PTPRT: variants seen among roughly 807,000 people sequenced by gnomAD.
PTPRT encodes protein tyrosine phosphatase receptor type T.
In PTPRT, 56 loss-of-function variants were observed where a neutral mutation model predicts 176.8. The ratio of observed to expected loss-of-function variants is 0.32; its 90% CI spans 0.26 to 0.40. The LOEUF is 0.40. PTPRT is among the 10% of genes least tolerant of loss of function. The pLI is 1.00. For synonymous variants in PTPRT, 783 were observed against 739.0 expected, an observed-to-expected ratio of 1.06 and a Z score of -0.96; for missense variants, 1,540 against 1,908.2, an observed-to-expected ratio of 0.81 and a Z score of 3.60.
At chr20:42,318,668 G>A (rs771834591) in intron 11 of PTPRT, among the ~76,000 whole-genome samples, 2 of 152,158 alleles carry the variant, frequency 1.3e-5, no homozygotes, top group Non-Finnish European at 2.9e-5. Context: ...CCAGGAGTTG[G>A]AAAGAGCTGG....
chr20:42,587,014 C>G (rs1010368938), intron 7 of PTPRT, among the ~76,000 whole-genome samples: 3 of 152,166 alleles, frequency 2.0e-5, no homozygotes, highest in African/African-American at 7.2e-5. Context: ...TCCCTGTAAG[C>G]TTAGCCTACC....
intron 9 of PTPRT, among the ~76,000 whole-genome samples, chr20:42,366,787 C>A (rs6016762): frequency 1.3e-5 from 2 of 152,118 alleles, no homozygotes; most frequent in African/African-American, 4.8e-5. Flanking sequence ...AAGCTGATTG[C>A]GAAGGCTATA....
chr20:42,169,865 C>G (rs939630965), intron 16 of PTPRT, among the ~76,000 whole-genome samples: 1 of 151,072 alleles, frequency 6.6e-6, no homozygotes, highest in South Asian at 2.1e-4. Flanking sequence ...CACCGTATGA[C>G]TTGGTGGGGG....
chr20:42,870,993 C>T (rs1232415699), intron 2 of PTPRT, among the ~76,000 whole-genome samples: 1 of 151,220 alleles, frequency 6.6e-6, no homozygotes, highest in South Asian at 2.1e-4. Context: ...CTCTGTTACC[C>T]AGGCTAGAGT....
At chr20:42,562,522 G>A (rs1410885488) in intron 7 of PTPRT, among the ~76,000 whole-genome samples, 1 of 152,182 alleles carries the variant, frequency 6.6e-6, no homozygotes, top group Admixed American at 6.5e-5. Context: ...CATTTGGGTT[G>A]TTTTCATTTG....
At chr20:42,640,915 C>T (rs1363091194) in intron 7 of PTPRT, among the ~76,000 whole-genome samples, 1 of 152,124 alleles carries the variant, frequency 6.6e-6, no homozygotes, top group Non-Finnish European at 1.5e-5. Context: ...CATATTTTTA[C>T]ATGATTTTAA....
At chr20:42,621,249 C>T (rs1488221639) in intron 7 of PTPRT, among the ~76,000 whole-genome samples, 2 of 152,176 alleles carry the variant, frequency 1.3e-5, no homozygotes, top group African/African-American at 2.4e-5. Context: ...GCCTTGCCCA[C>T]ACCAATTACC....
At chr20:42,259,050 G>A (rs2056699143) in intron 13 of PTPRT, among the ~76,000 whole-genome samples, 1 of 152,218 alleles carries the variant, frequency 6.6e-6, no homozygotes, top group African/African-American at 2.4e-5. Flanking sequence ...GGCCTCGAAT[G>A]GAGGTTAGCA....
chr20:42,564,804 T>G (rs2073011869), intron 7 of PTPRT, among the ~76,000 whole-genome samples: 1 of 152,156 alleles, frequency 6.6e-6, no homozygotes, highest in South Asian at 2.1e-4. Flanking sequence ...AACAACTATT[T>G]ACATAGCATT....
intron 15 of PTPRT, among the ~76,000 whole-genome samples, chr20:42,232,185 A>T (rs149687625): frequency 6.6e-6 from 1 of 152,338 alleles, no homozygotes; most frequent in Non-Finnish European, 1.5e-5. Flanking sequence ...ATGAATAAAC[A>T]CTGATTTCAT....
intron 16 of PTPRT, among the ~76,000 whole-genome samples, chr20:42,169,923 T>A (rs978800449): frequency 6.6e-6 from 1 of 152,150 alleles, no homozygotes; most frequent in South Asian, 2.1e-4. Context: ...CAAATTCTGA[T>A]GTCCCTACGC....
intron 6 of PTPRT, among the ~76,000 whole-genome samples, chr20:42,711,067 C>T (rs1206457475): frequency 1.3e-5 from 2 of 152,210 alleles, no homozygotes; most frequent in South Asian, 2.1e-4. Flanking sequence ...TAATCCTGTA[C>T]TACTATTGCA....
At chr20:42,178,582 C>T (rs1990388815) in intron 16 of PTPRT, among the ~76,000 whole-genome samples, 1 of 152,190 alleles carries the variant, frequency 6.6e-6, no homozygotes, top group African/African-American at 2.4e-5. Context: ...CCAACCACAG[C>T]AGCTTAAAAT....
rs376878517 is a variant in PTPRT at position 42,609,860 on chromosome 20, C to T, written c.1153+68006G>A. Among the ~76,000 whole-genome samples the T allele has an allele frequency of 7.2e-5, 11 of 152,286 alleles. 1 individual carries two copies. Among genetic ancestry groups the T allele is most frequent in the African/African-American group, 1.7e-4 (7 of 41,570 alleles). ...ATTCAGAACAGGATGAATGTGCAGCCGAGCGTGAGCACATTTTAAAATATA... is the reference window on the plus strand; with the variant it reads ...ATTCAGAACAGGATGAATGTGCAGCTGAGCGTGAGCACATTTTAAAATATA... On this transcript the variant is annotated intron_variant, in intron 7 of 30. Transcript: ENST00000373187.
chr20:42,708,566 C>T (rs1264067145), intron 6 of PTPRT, among the ~76,000 whole-genome samples: 1 of 152,146 alleles, frequency 6.6e-6, no homozygotes, highest in Non-Finnish European at 1.5e-5. Flanking sequence ...GCTAAAATTG[C>T]AGCTTGTGTT....
At chr20:42,450,081 A>G (rs2070801493) in intron 8 of PTPRT, among the ~76,000 whole-genome samples, 1 of 152,218 alleles carries the variant, frequency 6.6e-6, no homozygotes, top group Non-Finnish European at 1.5e-5. Context: ...CATGCATTTT[A>G]ATGGCTGCTT....
rs191081663 is a variant in PTPRT, at chr20:42,726,615, C to G, written c.859+29847G>C. ...TTGTGACCCTGAGTGAGACACATAA[C>G]CTTTGTAAGCTTCACTTTACCATTT... is the stretch of plus-strand genomic sequence containing the variant. On this transcript the variant is annotated intron_variant, in intron 6 of 30. Coordinates refer to ENST00000373187, the MANE Select transcript of PTPRT (RefSeq NM_007050.6). 5.9e-4 allele frequency among the ~76,000 whole-genome samples: 90 copies of G among 152,326 alleles called. 1 individual carries two copies. Among genetic ancestry groups the G allele is most frequent in the African/African-American group, 1.8e-3 (76 of 41,578 alleles).
In PTPRT at chr20:42,885,822, G is replaced by C; in HGVS notation, c.199C>G (p.Gln67Glu). The change falls in exon 2 of 31, where the codon CAG becomes GAG. Residue 67 changes from glutamine to glutamate, a missense_variant. This residue lies in a region of PTPRT where 116 missense variants were observed against 118.5 expected (regional missense o/e 0.98). Coordinates refer to ENST00000373187, the MANE Select transcript of PTPRT (RefSeq NM_007050.6). ...INTWEKPMLD[Q>E]AVPTGSFMMV... is the part of the protein sequence containing the mutation. ...GATCACATACCTGTGGGCACTGCCTGGTCCAGCATTGGTTTCTCCCATGTG... is the reference window on the plus strand; with the variant it reads ...GATCACATACCTGTGGGCACTGCCTCGTCCAGCATTGGTTTCTCCCATGTG... The C allele has an allele frequency of 1.2e-6, 2 of 1,607,846 alleles. No homozygotes were observed. The highest frequency in any genetic ancestry group is 1.7e-6 in the Non-Finnish European group (2 of 1,176,016).
chr20:42,179,164 C>T (rs1600638860), intron 16 of PTPRT, among the ~76,000 whole-genome samples: 1 of 152,092 alleles, frequency 6.6e-6, no homozygotes, highest in Admixed American at 6.6e-5. Context: ...GAGGTAATGT[C>T]GATGAAAGAA....
Sources: allele counts gnomAD v4.1 joint callset (sites outside exome capture counted in the v4.1 genomes callset), GRCh38; gene constraint gnomAD v4.1.1; regional missense constraint gnomAD v4.1.1; transcripts MANE v1.5; gene names NCBI Gene and HGNC (gene_info 2026-07-23, HGNC 2026-07-21).